The following OR51E1 variants were observed in gnomAD, a reference collection of about 807,000 sequenced individuals.
The protein encoded by OR51E1 is olfactory receptor family 51 subfamily E member 1.
A neutral mutation model predicts 11.5 loss-of-function variants in OR51E1; 9 were observed. The ratio of observed to expected loss-of-function variants is 0.78; its 90% confidence interval spans 0.47 to 1.37. The LOEUF (loss-of-function observed/expected upper bound fraction) is 1.37, where lower values mean the gene tolerates loss of function less well. OR51E1 is among the 40% of genes most tolerant of loss of function. The pLI is 0.00. For missense variants in OR51E1, 397 were observed against 410.2 expected, an observed-to-expected ratio of 0.97 and a Z score of 0.28; for synonymous variants, 168 against 158.3, an observed-to-expected ratio of 1.06 and a Z score of -0.46.
chr11:4,652,937 A>T lies in OR51E1; in HGVS notation c.411A>T (p.Thr137=). 1 of 1,608,550 alleles carries T rather than the reference A, an allele frequency of 6.2e-7. No individual in the cohort carries two copies. The highest frequency in any genetic ancestry group is 8.5e-7 in the Non-Finnish European group (1 of 1,176,848). The change falls in exon 2 of 2, where the codon ACA becomes ACT. Residue 137 remains threonine (T), a synonymous_variant. Transcript: ENST00000396952. The stretch of plus-strand genomic sequence containing the variant: ...TCTGTCACCCACTGCGCCATGCCAC[A>T]GTACTTACGTTGCCTCGTGTCACCA... ...VAICHPLRHA[T]VLTLPRVTKI...
intron 1 of OR51E1, among the ~76,000 whole-genome samples, chr11:4,647,959 G>T (rs1295198950): frequency 6.6e-6 from 1 of 152,102 alleles, no homozygotes; most frequent in Admixed American, 6.5e-5. Context: ...ATTACTAACA[G>T]CTGCTCAAGC....
rs941732700 is a variant in OR51E1 at position 4,654,600 on chromosome 11, G to A, written c.*1117G>A. Reference sequence around the variant, plus strand: ...AGGGAGCCACCAGTTATGATGGGAAGTATGGAATGGCAGGTCTTGAAGATA... The same window carrying A: ...AGGGAGCCACCAGTTATGATGGGAAATATGGAATGGCAGGTCTTGAAGATA... On this transcript the variant is annotated 3_prime_UTR_variant, in exon 2 of 2. Coordinates refer to ENST00000396952, the MANE Select transcript of OR51E1 (RefSeq NM_152430.4). 5 of 167,188 alleles carry A rather than the reference G, an allele frequency of 3.0e-5. No homozygotes were observed. Among genetic ancestry groups the A allele is most frequent in the African/African-American group, 4.8e-5 (2 of 41,470 alleles). The allele number at this position is 167,188 out of a possible 1,614,324, so 10.4% of individuals were successfully genotyped here. A position where few individuals can be genotyped will look rare whatever the true frequency, so the allele number is the denominator to read the frequency against.
At chr11:4,650,459 T>C (rs1465233658) in intron 1 of OR51E1, among the ~76,000 whole-genome samples, 3 of 152,184 alleles carry the variant, frequency 2.0e-5, no homozygotes, top group African/African-American at 7.2e-5. Context: ...CTAGCTTAAA[T>C]ATGGTTTCTC....
At position 4,652,542 on chromosome 11, in the gene OR51E1, A is replaced by C. The variant is rs1331467636; in HGVS notation, c.16A>C (p.Asn6His). 4.3e-6 allele frequency: 7 copies of C among 1,612,058 alleles called. No individual in the cohort carries two copies. Among genetic ancestry groups the C allele is most frequent in the Non-Finnish European group, 5.9e-6 (7 of 1,178,348 alleles). ...CAGCTTCTTCATGATGGTGGATCCC[A>C]ATGGCAATGAATCCAGTGCTACATA... is the stretch of plus-strand genomic sequence containing the variant. MMVDP[N>H]GNESSATYFI... Residue 6 changes from asparagine to histidine, a missense_variant, in exon 2 of 2, where the codon AAT (asparagine) becomes CAT (histidine). Transcript: ENST00000396952.
Position 4,652,575 on chromosome 11 carries a change from C to T in OR51E1, c.49C>T (p.Leu17=), listed in dbSNP as rs1180131246. ...TGAATCCAGTGCTACATACTTCATC[C>T]TAATAGGCCTCCCTGGTTTAGAAGA... ...GNESSATYFI[L]IGLPGLEEAQ... is the part of the protein sequence containing the mutation. Residue 17 remains leucine (L), a synonymous_variant, in exon 2 of 2, where the codon CTA becomes TTA. Coordinates refer to ENST00000396952, the MANE Select transcript of OR51E1 (RefSeq NM_152430.4). The T allele has an allele frequency of 1.2e-6, 2 of 1,613,976 alleles. No individual in the cohort carries two copies. Among genetic ancestry groups the T allele is most frequent in the Non-Finnish European group, 1.7e-6 (2 of 1,179,980 alleles).
intron 1 of OR51E1, among the ~76,000 whole-genome samples, chr11:4,646,386 A>T (rs759568858): frequency 1.3e-5 from 2 of 152,124 alleles, no homozygotes; most frequent in African/African-American, 2.4e-5. Context: ...TTCCTGAGAG[A>T]TTAATATTGA....
chr11:4,646,539 G>A (rs1847032796), intron 1 of OR51E1, among the ~76,000 whole-genome samples: 1 of 152,232 alleles, frequency 6.6e-6, no homozygotes, highest in African/African-American at 2.4e-5. Flanking sequence ...TGGGATTAAT[G>A]ATATCTGCTT....
chr11:4,647,572 G>A (rs1281461064), intron 1 of OR51E1, among the ~76,000 whole-genome samples: 1 of 152,094 alleles, frequency 6.6e-6, no homozygotes, highest in African/African-American at 2.4e-5. Context: ...GGAAGAATGT[G>A]AGGATGGGCT....
At chr11:4,652,359 G>C (rs1847108474) in intron 1 of OR51E1, 129 bp from the exon 2 acceptor site, 2 of 599,186 alleles carry the variant, frequency 3.3e-6, no homozygotes, top group African/African-American at 3.7e-5. Context: ...ATTGCATTTA[G>C]AATATGATTA....
At chr11:4,650,210 G>C (rs1301239425) in intron 1 of OR51E1, among the ~76,000 whole-genome samples, 1 of 152,154 alleles carries the variant, frequency 6.6e-6, no homozygotes, top group Non-Finnish European at 1.5e-5. Context: ...TTACTGAAGG[G>C]GATGAGATGG....
chr11:4,648,893 T>G (rs1388131496), intron 1 of OR51E1, among the ~76,000 whole-genome samples: 2 of 152,202 alleles, frequency 1.3e-5, no homozygotes, highest in East Asian at 3.8e-4. Context: ...GCTCCTTTGG[T>G]AAGAAAGGAC....
chr11:4,648,498 A>G (rs184665138), intron 1 of OR51E1, among the ~76,000 whole-genome samples: 1 of 152,346 alleles, frequency 6.6e-6, no homozygotes, highest in East Asian at 1.9e-4. Flanking sequence ...CTATGCAGTT[A>G]TTATTATTCA....
chr11:4,649,353 G>A (rs1287600214), intron 1 of OR51E1, among the ~76,000 whole-genome samples: 3 of 152,166 alleles, frequency 2.0e-5, no homozygotes, highest in Admixed American at 2.0e-4. Context: ...GGGAAGTCAA[G>A]GAGGAAGATC....
chr11:4,654,832 G>C lies in OR51E1; in HGVS notation c.*1349G>C, dbSNP rs12280367. ...ATCTTCAACAGGATATGACAACAGT[G>C]TTAACCAAGAAACTCAAATTACAAA... is the stretch of plus-strand genomic sequence containing the variant. On this transcript the variant is annotated 3_prime_UTR_variant, in exon 2 of 2. Coordinates refer to ENST00000396952, the MANE Select transcript of OR51E1 (RefSeq NM_152430.4). 70,596 of 166,930 alleles carry C rather than the reference G, an allele frequency of 0.42. 15,725 individuals carry two copies. The highest frequency in any genetic ancestry group is 0.51 in the Non-Finnish European group (34,496 of 68,046). The allele number at this position is 166,930 out of a possible 1,614,324, so 10.3% of individuals were successfully genotyped here. A position where few individuals can be genotyped will look rare whatever the true frequency, so the allele number is the denominator to read the frequency against.
rs143466981 is a variant in OR51E1 at position 4,653,119 on chromosome 11, A to G, written c.593A>G (p.Asn198Ser). ...MKLACDDIRV[N>S]VVYGLIVIIS... ...CTGGCCTGTGATGATATCCGGGTCA[A>G]TGTCGTCTATGGCCTTATCGTCATC... Residue 198 changes from asparagine (N) to serine (S), a missense_variant, in exon 2 of 2, where the codon AAT (asparagine) becomes AGT (serine). Transcript: ENST00000396952. 6 of 1,613,692 alleles carry G rather than the reference A, an allele frequency of 3.7e-6. No individual in the cohort carries two copies. Among genetic ancestry groups the G allele is most frequent in the South Asian group, 3.3e-5 (3 of 91,068 alleles).
rs912632132 is a variant in OR51E1, at chr11:4,645,983, A to G, written c.-40+1953A>G. On this transcript the variant is annotated intron_variant, in intron 1 of 1. Coordinates refer to ENST00000396952, the MANE Select transcript of OR51E1 (RefSeq NM_152430.4). ...GATGCAGATAATTTGAGTGGAAGTC[A>G]TGCTGGGGCTACTACCCTCACTAAG... Among the ~76,000 whole-genome samples the G allele has an allele frequency of 5.3e-5, 8 of 152,296 alleles. No individual in the cohort carries two copies. The East Asian group carries it at 1.5e-3, about 29-fold the overall frequency.
chr11:4,651,709 C>T (rs1316115972), intron 1 of OR51E1, among the ~76,000 whole-genome samples: 3 of 152,060 alleles, frequency 2.0e-5, no homozygotes, highest in Admixed American at 6.5e-5. Context: ...GGGATACGAA[C>T]GGTATCCACT....
At chr11:4,651,516 T>C (rs559700300) in intron 1 of OR51E1, among the ~76,000 whole-genome samples, 1 of 152,354 alleles carries the variant, frequency 6.6e-6, no homozygotes, top group African/African-American at 2.4e-5. Flanking sequence ...GTACCCCTTA[T>C]GTCAGGCAGC....
intron 1 of OR51E1, among the ~76,000 whole-genome samples, chr11:4,645,782 T>G (rs1483390100): frequency 6.6e-6 from 1 of 152,134 alleles, no homozygotes; most frequent in Non-Finnish European, 1.5e-5. Flanking sequence ...TGATTTTAGG[T>G]GGTCAGGCTG....
Sources: gnomAD v4.1 joint callset for allele counts (sites outside exome capture counted in the v4.1 genomes callset) on GRCh38, gnomAD v4.1.1 for gene constraint, MANE v1.5 for transcripts, NCBI Gene and HGNC (gene_info 2026-07-23, HGNC 2026-07-21) for gene names.